KCNH1: variants seen among roughly 807,000 people sequenced by gnomAD.
KCNH1 encodes the protein potassium voltage-gated channel subfamily H member 1.
Under a neutral mutation model 69.2 loss-of-function variants are expected in KCNH1, and 27 were observed. The ratio of observed to expected loss-of-function variants is 0.39; its 90% CI spans 0.29 to 0.54. The LOEUF (loss-of-function observed/expected upper bound fraction) is 0.54. Among genes scored for constraint, KCNH1 ranks in the 20% least tolerant of loss-of-function variants. The pLI is 0.68. For synonymous variants in KCNH1, 456 were observed against 487.7 expected (o/e 0.93, Z 0.86); for missense variants, 798 against 1,261.6 (o/e 0.63, Z 5.57).
chr1:210,995,844 TA>T (rs925926576), intron 6 of KCNH1, among the ~76,000 whole-genome samples: 1 of 152,176 alleles, frequency 6.6e-6, no homozygotes, highest in African/African-American at 2.4e-5. Flanking sequence ...GGATCTGTAG[TA>T]AAAGACAGAA....
chr1:210,980,773 C>T (rs1688695064), intron 6 of KCNH1, among the ~76,000 whole-genome samples: 1 of 151,660 alleles, frequency 6.6e-6, no homozygotes, highest in Non-Finnish European at 1.5e-5. Flanking sequence ...TATTGAGAAG[C>T]AACAAATAAG....
intron 10 of KCNH1, among the ~76,000 whole-genome samples, chr1:210,761,961 A>C (rs1188794114): frequency 1.3e-5 from 2 of 152,184 alleles, no homozygotes; most frequent in Non-Finnish European, 2.9e-5. Context: ...TCATCTGCAC[A>C]TGGAACGTAC....
intron 5 of KCNH1, among the ~76,000 whole-genome samples, chr1:211,053,656 T>C (rs919475896): frequency 6.6e-6 from 1 of 152,196 alleles, no homozygotes; most frequent in South Asian, 2.1e-4. Context: ...CTTTCATAGT[T>C]AGCAGCTCCA....
At chr1:211,043,200 C>T (rs911483045) in intron 5 of KCNH1, among the ~76,000 whole-genome samples, 2 of 152,016 alleles carry the variant, frequency 1.3e-5, no homozygotes, top group African/African-American at 4.8e-5. Flanking sequence ...AATGGATAGA[C>T]CATTAGCAAG....
At chr1:210,788,685 CTTTTTTTTTTTTTT>C (rs139485350) in intron 9 of KCNH1, among the ~76,000 whole-genome samples, 18 of 80,720 alleles carry the variant, frequency 2.2e-4, no homozygotes, top group Non-Finnish European at 2.0e-4. Flanking sequence ...TAGCTTCTTT[CTTTTTTTTTTTTTT>C]TTTTTTTTTT....
At chr1:211,036,872 A>C (rs1442743192) in intron 5 of KCNH1, among the ~76,000 whole-genome samples, 2 of 152,180 alleles carry the variant, frequency 1.3e-5, no homozygotes, top group Admixed American at 6.5e-5. Context: ...CCAAAGGCAG[A>C]TGCTACTTCT....
chr1:211,125,745 T>C (rs1407127322), intron 1 of KCNH1, among the ~76,000 whole-genome samples: 2 of 152,248 alleles, frequency 1.3e-5, no homozygotes, highest in African/African-American at 2.4e-5. Context: ...CCTGATGTGA[T>C]TGCAGAACAT....
At chr1:210,949,588 C>G (rs889216208) in intron 6 of KCNH1, among the ~76,000 whole-genome samples, 20 of 152,184 alleles carry the variant, frequency 1.3e-4, no homozygotes, top group Admixed American at 3.3e-4. Flanking sequence ...ACTTTTCCAC[C>G]TCCCACAGGT....
chr1:210,763,626 C>A (rs1046920096), intron 10 of KCNH1, among the ~76,000 whole-genome samples: 2 of 151,814 alleles, frequency 1.3e-5, no homozygotes, highest in African/African-American at 4.8e-5. Flanking sequence ...GCCACACACA[C>A]AAAAATAAAA....
chr1:211,105,420 ACTT>A (rs1300681999), intron 2 of KCNH1, among the ~76,000 whole-genome samples: 14 of 152,316 alleles, frequency 9.2e-5, no homozygotes, highest in African/African-American at 3.4e-4. Flanking sequence ...CATCTTATGT[ACTT>A]TTTCAGGCTG....
At chr1:210,876,284 A>G (rs1275861778) in intron 7 of KCNH1, among the ~76,000 whole-genome samples, 2 of 152,204 alleles carry the variant, frequency 1.3e-5, no homozygotes, top group Admixed American at 1.3e-4. Context: ...TTGGTAGATC[A>G]AAGAACCCTG....
chr1:210,795,741 T>C (rs1180500662), intron 9 of KCNH1, among the ~76,000 whole-genome samples: 1 of 152,070 alleles, frequency 6.6e-6, no homozygotes, highest in Non-Finnish European at 1.5e-5. Context: ...CAGCCTCAGT[T>C]TTCTAATAAA....
chr1:210,704,367 C>T (rs1166736188), intron 10 of KCNH1, among the ~76,000 whole-genome samples: 2 of 152,128 alleles, frequency 1.3e-5, no homozygotes, highest in African/African-American at 4.8e-5. Context: ...TCAATTCACT[C>T]CTATGTCAAC....
chr1:210,916,789 C>G (rs1353326174), intron 7 of KCNH1, among the ~76,000 whole-genome samples: 2 of 152,100 alleles, frequency 1.3e-5, no homozygotes, highest in Non-Finnish European at 2.9e-5. Context: ...AGTGGACTTG[C>G]TTAACTAAAC....
intron 6 of KCNH1, among the ~76,000 whole-genome samples, chr1:210,982,979 G>C (rs1028671121): frequency 6.6e-6 from 1 of 152,218 alleles, no homozygotes; most frequent in African/African-American, 2.4e-5. Flanking sequence ...GTGTGCGATA[G>C]TAACTCATTG....
intron 6 of KCNH1, among the ~76,000 whole-genome samples, chr1:210,982,681 T>C (rs536214123): frequency 1.2e-3 from 190 of 152,344 alleles, no homozygotes; most frequent in African/African-American, 4.3e-3. Context: ...GTTGGACATT[T>C]GGGTTGGTTC....
intron 10 of KCNH1, among the ~76,000 whole-genome samples, chr1:210,740,459 C>A (rs1682994358): frequency 6.6e-6 from 1 of 152,076 alleles, no homozygotes; most frequent in African/African-American, 2.4e-5. Flanking sequence ...CTCATGATTA[C>A]CTAACTCTAT....
At chr1:211,116,710 G>C (rs1446606379) in intron 1 of KCNH1, among the ~76,000 whole-genome samples, 1 of 152,148 alleles carries the variant, frequency 6.6e-6, no homozygotes, top group African/African-American at 2.4e-5. Flanking sequence ...GGGAAAGAGA[G>C]GGTTTGAGCA....
At chr1:210,761,247 G>T (rs796912622) in intron 10 of KCNH1, among the ~76,000 whole-genome samples, 1 of 29,416 alleles carries the variant, frequency 3.4e-5, no homozygotes, top group Non-Finnish European at 7.1e-5. Flanking sequence ...GCGAGACTCC[G>T]TCAAAAAAAA....
Sources: allele counts gnomAD v4.1 joint callset (sites outside exome capture counted in the v4.1 genomes callset), GRCh38; gene constraint gnomAD v4.1.1; transcripts MANE v1.5; gene names NCBI Gene and HGNC (gene_info 2026-07-23, HGNC 2026-07-21).